The following DGKI variants were observed in gnomAD, a reference collection of about 807,000 sequenced individuals.
DGKI encodes diacylglycerol kinase iota.
In DGKI, 55 loss-of-function variants were observed where a neutral mutation model predicts 147.5. The observed-to-expected ratio is 0.37, with a 90% CI of 0.30 to 0.47. DGKI has a LOEUF of 0.47. Ranked by LOEUF, DGKI falls within the 20% of genes least tolerant of loss-of-function variation. The pLI, the probability that DGKI is intolerant of heterozygous loss-of-function variation, is 1.00. For missense variants in DGKI, 1,007 were observed against 1,323.8 expected (o/e 0.76, Z 3.71); for synonymous variants, 469 against 477.1 (o/e 0.98, Z 0.22).
chr7:137,386,834 C>T lies in DGKI; in HGVS notation c.*4386G>A, dbSNP rs1811189243. Reference sequence around the variant, plus strand: ...GGTTCAATTAAGATGCAGGCAGAAGCCATTTTATATTAAATAAGTGTTAAA... The same window carrying T: ...GGTTCAATTAAGATGCAGGCAGAAGTCATTTTATATTAAATAAGTGTTAAA... On this transcript the variant is annotated 3_prime_UTR_variant, in exon 33 of 33. Transcript: ENST00000614521. 1 of 151,882 alleles carries T rather than the reference C, an allele frequency of 6.6e-6. No homozygotes were observed. Among genetic ancestry groups the T allele is most frequent in the Non-Finnish European group, 1.5e-5 (1 of 67,952 alleles). 9.4% of individuals were successfully genotyped at this position (151,882 alleles called of 1,614,324 possible). A position where few individuals can be genotyped will look rare whatever the true frequency, so the allele number is the denominator to read the frequency against.
intron 1 of DGKI, among the ~76,000 whole-genome samples, chr7:137,706,054 T>A (rs1794011174): frequency 6.6e-6 from 1 of 152,192 alleles, no homozygotes; most frequent in Non-Finnish European, 1.5e-5. Context: ...CTAATTTTAA[T>A]AGTGGAATCA....
chr7:137,830,544 T>G (rs978376659), intron 1 of DGKI, among the ~76,000 whole-genome samples: 13 of 152,194 alleles, frequency 8.5e-5, no homozygotes. Context: ...TGCATTTTTA[T>G]GAAGAAAGCC....
intron 21 of DGKI, among the ~76,000 whole-genome samples, chr7:137,506,889 T>C (rs1278505293): frequency 6.6e-6 from 1 of 152,216 alleles, no homozygotes; most frequent in Non-Finnish European, 1.5e-5. Flanking sequence ...AAATATAATA[T>C]GGGAGGATGT....
At chr7:137,685,393 A>G (rs1409421682) in intron 2 of DGKI, among the ~76,000 whole-genome samples, 1 of 152,214 alleles carries the variant, frequency 6.6e-6, no homozygotes, top group African/African-American at 2.4e-5. Flanking sequence ...AAATTATGAA[A>G]TGGTGGGGAC....
intron 21 of DGKI, among the ~76,000 whole-genome samples, chr7:137,502,775 T>G (rs1816224588): frequency 6.6e-6 from 1 of 152,112 alleles, no homozygotes; most frequent in Admixed American, 6.6e-5. Flanking sequence ...TTTCTCTTAC[T>G]CAAGAGCCCC....
At chr7:137,572,183 C>T (rs1277150144) in intron 18 of DGKI, among the ~76,000 whole-genome samples, 2 of 152,160 alleles carry the variant, frequency 1.3e-5, no homozygotes, top group African/African-American at 4.8e-5. Context: ...AAAATCTTGG[C>T]TTCAGGGCCT....
At chr7:137,432,182 G>A (rs62487736) in intron 28 of DGKI, among the ~76,000 whole-genome samples, 36,454 of 152,118 alleles carry the variant, frequency 0.24, 5,288 homozygotes, top group Admixed American at 0.32. Flanking sequence ...TGTATAGCCT[G>A]TGGAACCATG....
rs1818781955 is a variant in DGKI, at chr7:137,571,202, T to C, written c.1920A>G (p.Glu640=). The change falls in exon 19 of 33, where the codon GAA becomes GAG. Residue 640 remains glutamate (E), a synonymous_variant. Coordinates refer to ENST00000614521, the MANE Select transcript of DGKI (RefSeq NM_001321708.2). ...EPQRHDDGYI[E]VIGFTMASLA... Reference sequence around the variant, plus strand: ...AAGAGGCCATGGTAAATCCAATGACTTCAATATAACCATCATCATGACGCT... The same window carrying C: ...AAGAGGCCATGGTAAATCCAATGACCTCAATATAACCATCATCATGACGCT... 6.2e-7 allele frequency: 1 copy of C among 1,611,242 alleles called. No individual in the cohort carries two copies. Among genetic ancestry groups the C allele is most frequent in the Non-Finnish European group, 8.5e-7 (1 of 1,179,536 alleles).
intron 6 of DGKI, among the ~76,000 whole-genome samples, chr7:137,643,573 G>C (rs1002123363): frequency 6.6e-6 from 1 of 152,142 alleles, no homozygotes; most frequent in African/African-American, 2.4e-5. Flanking sequence ...GACTATAATA[G>C]TGCAATATTT....
At chr7:137,566,053 A>G (rs925108280) in intron 19 of DGKI, among the ~76,000 whole-genome samples, 3 of 152,282 alleles carry the variant, frequency 2.0e-5, no homozygotes, top group South Asian at 4.1e-4. Context: ...CAATGTACAA[A>G]TATATTTATT....
intron 15 of DGKI, among the ~76,000 whole-genome samples, chr7:137,579,204 G>A (rs954361281): frequency 5.9e-5 from 9 of 151,742 alleles, no homozygotes; most frequent in Admixed American, 3.9e-4. Flanking sequence ...GTATTTTATG[G>A]CAAGTGATCC....
intron 11 of DGKI, 89 bp downstream of exon 11, chr7:137,599,734 T>A (rs706568): frequency 0.097 from 113,305 of 1,169,316 alleles, 12,280 homozygotes; most frequent in African/African-American, 0.5. Flanking sequence ...ATGGTCAGGA[T>A]ATACCTCACA....
At chr7:137,825,628 T>A (rs535646884) in intron 1 of DGKI, among the ~76,000 whole-genome samples, 1 of 150,688 alleles carries the variant, frequency 6.6e-6, no homozygotes, top group Non-Finnish European at 1.5e-5. Context: ...ACACACACAC[T>A]CTCACACACA....
chr7:137,671,687 G>C (rs947398388), intron 3 of DGKI, among the ~76,000 whole-genome samples: 2 of 152,190 alleles, frequency 1.3e-5, no homozygotes, highest in Non-Finnish European at 2.9e-5. Flanking sequence ...CTCTGGATCT[G>C]TGAAGCTCTT....
At chr7:137,660,232 G>C (rs1185523920) in intron 3 of DGKI, among the ~76,000 whole-genome samples, 1 of 152,004 alleles carries the variant, frequency 6.6e-6, no homozygotes, top group Non-Finnish European at 1.5e-5. Flanking sequence ...TGGGCAGAGG[G>C]GGGAACATAT....
rs1027603587 is a variant in DGKI at position 137,623,683 on chromosome 7, T to C, written c.805-129A>G. ...ACTGTCACCCACCACTGGAGGTAAGTAGAATTGCAAAGGCCACATTGAGCA... is the reference window on the plus strand; with the variant it reads ...ACTGTCACCCACCACTGGAGGTAAGCAGAATTGCAAAGGCCACATTGAGCA... On this transcript the variant is annotated intron_variant, in intron 6 of 32. Coordinates refer to ENST00000614521, the MANE Select transcript of DGKI (RefSeq NM_001321708.2). 16 of 740,286 alleles carry C rather than the reference T, an allele frequency of 2.2e-5. No homozygotes were observed. The East Asian group carries it at 2.3e-4, about 10-fold the overall frequency. 45.9% of individuals were successfully genotyped at this position (740,286 alleles called of 1,614,324 possible).
intron 1 of DGKI, among the ~76,000 whole-genome samples, chr7:137,706,692 C>T (rs1380855984): frequency 2.0e-5 from 3 of 151,858 alleles, no homozygotes; most frequent in Non-Finnish European, 4.4e-5. Flanking sequence ...TCTGCCTCAG[C>T]CTCCTGAGGA....
chr7:137,759,909 A>G (rs1585455076), intron 1 of DGKI, among the ~76,000 whole-genome samples: 2 of 152,312 alleles, frequency 1.3e-5, no homozygotes, highest in East Asian at 3.9e-4. Flanking sequence ...GAAGTAAAAA[A>G]TGTGGTATCC....
At chr7:137,446,903 T>C (rs184310249) in intron 27 of DGKI, among the ~76,000 whole-genome samples, 1 of 152,332 alleles carries the variant, frequency 6.6e-6, no homozygotes, top group East Asian at 1.9e-4. Flanking sequence ...CTGGTTATTC[T>C]TTTCACCACA....
Sources: allele counts gnomAD v4.1 joint callset (sites outside exome capture counted in the v4.1 genomes callset), GRCh38; gene constraint gnomAD v4.1.1; transcripts MANE v1.5; gene names NCBI Gene and HGNC (gene_info 2026-07-23, HGNC 2026-07-21).